Variants in DGKB observed in about 807,000 individuals in gnomAD.
The protein encoded by DGKB is diacylglycerol kinase beta.
Under a neutral mutation model 114.3 loss-of-function variants are expected in DGKB, and 67 were observed. The ratio of observed to expected loss-of-function variants is 0.59; its 90% confidence interval spans 0.48 to 0.72. DGKB has a LOEUF of 0.72. DGKB is among the 30% of genes least tolerant of loss of function. DGKB has a pLI of 0.00. For synonymous variants in DGKB, 398 were observed against 323.1 expected, an observed-to-expected ratio of 1.23 and a Z score of -2.49; for missense variants, 907 against 975.2, an observed-to-expected ratio of 0.93 and a Z score of 0.93.
At chr7:14,400,860 C>A (rs1322745676) in intron 21 of DGKB, among the ~76,000 whole-genome samples, 1 of 151,454 alleles carries the variant, frequency 6.6e-6, no homozygotes, top group African/African-American at 2.4e-5. Flanking sequence ...TTAGATATAC[C>A]CTTGAAAACA....
At chr7:14,577,547 G>A (rs1248495865) in intron 19 of DGKB, among the ~76,000 whole-genome samples, 2 of 152,124 alleles carry the variant, frequency 1.3e-5, no homozygotes, top group African/African-American at 2.4e-5. Flanking sequence ...AACCCGGGGG[G>A]CGGAGCCTGC....
chr7:14,330,437 AT>A (rs1809524536), intron 23 of DGKB, among the ~76,000 whole-genome samples: 2 of 151,962 alleles, frequency 1.3e-5, no homozygotes, highest in African/African-American at 4.8e-5. Context: ...TTGATGATCA[AT>A]GGTGATGATT....
At chr7:14,321,180 G>A (rs974587300) in intron 23 of DGKB, among the ~76,000 whole-genome samples, 3 of 152,048 alleles carry the variant, frequency 2.0e-5, no homozygotes, top group East Asian at 1.9e-4. Flanking sequence ...GGTCCCAGCC[G>A]CTTGGGAAGC....
At chr7:14,368,784 A>G (rs943309371) in intron 21 of DGKB, among the ~76,000 whole-genome samples, 6 of 152,108 alleles carry the variant, frequency 3.9e-5, no homozygotes, top group African/African-American at 7.2e-5. Flanking sequence ...TAGATACGCA[A>G]GATAATTTAT....
chr7:14,965,253 T>C (rs1787084510), intron 1 of DGKB, among the ~76,000 whole-genome samples: 1 of 152,146 alleles, frequency 6.6e-6, no homozygotes, highest in Non-Finnish European at 1.5e-5. Flanking sequence ...ATTTGGGAGA[T>C]GGTTGTGTAC....
chr7:14,317,266 T>C (rs1329583588), intron 23 of DGKB, among the ~76,000 whole-genome samples: 204 of 92,516 alleles, frequency 2.2e-3, no homozygotes, highest in African/African-American at 8.7e-3. Context: ...TTCAACATAG[T>C]GTTGGAAGTT....
chr7:14,167,801 G>A (rs1439245104), intron 25 of DGKB, among the ~76,000 whole-genome samples: 1 of 152,154 alleles, frequency 6.6e-6, no homozygotes, highest in East Asian at 1.9e-4. Context: ...ACCTAACAGA[G>A]TCAACTACCT....
At chr7:14,191,815 A>C (rs1291734221) in intron 23 of DGKB, 2 of 431,568 alleles carry the variant, frequency 4.6e-6, no homozygotes, top group Non-Finnish European at 9.4e-6. Context: ...TGCACCAAAC[A>C]GGCTAAATCA....
At chr7:14,163,343 CAAA>C (rs1197093698) in intron 25 of DGKB, among the ~76,000 whole-genome samples, 1 of 151,612 alleles carries the variant, frequency 6.6e-6, no homozygotes, top group Non-Finnish European at 1.5e-5. Flanking sequence ...TTGTCAATTA[CAAA>C]AAACAACAAT....
At chr7:14,228,978 G>C (rs1791281830) in intron 23 of DGKB, among the ~76,000 whole-genome samples, 1 of 151,284 alleles carries the variant, frequency 6.6e-6, no homozygotes, top group Non-Finnish European at 1.5e-5. Flanking sequence ...CAGTAAATTT[G>C]AACATATAAA....
At chr7:14,894,968 C>T (rs1562837710) in intron 1 of DGKB, among the ~76,000 whole-genome samples, 2 of 151,436 alleles carry the variant, frequency 1.3e-5, no homozygotes, top group Non-Finnish European at 3.0e-5. Flanking sequence ...CAATAGAGCA[C>T]CCCTCCTAGT....
At chr7:14,867,005 C>T (rs896902001) in intron 1 of DGKB, among the ~76,000 whole-genome samples, 4 of 152,094 alleles carry the variant, frequency 2.6e-5, no homozygotes, top group Admixed American at 6.5e-5. Context: ...TTTTCACATG[C>T]TTATTTAACA....
chr7:14,244,062 AG>A (rs1356136105), intron 23 of DGKB, among the ~76,000 whole-genome samples: 6 of 152,130 alleles, frequency 3.9e-5, no homozygotes, highest in Admixed American at 3.3e-4. Context: ...AGGGAGAGAG[AG>A]AGAGATCAAT....
At chr7:14,614,915 T>A (rs556555087) in intron 15 of DGKB, among the ~76,000 whole-genome samples, 6 of 152,058 alleles carry the variant, frequency 3.9e-5, no homozygotes, top group African/African-American at 1.2e-4. Flanking sequence ...CTGAACCAAA[T>A]GTGTGCAATC....
intron 23 of DGKB, among the ~76,000 whole-genome samples, chr7:14,307,819 T>A (rs1392471902): frequency 6.6e-6 from 1 of 152,168 alleles, no homozygotes; most frequent in African/African-American, 2.4e-5. Context: ...AAATCTCATA[T>A]AAGCTCTAGC....
intron 23 of DGKB, among the ~76,000 whole-genome samples, chr7:14,303,341 G>A (rs753476045): frequency 2.0e-5 from 3 of 152,040 alleles, no homozygotes; most frequent in Non-Finnish European, 4.4e-5. Context: ...ATTTCCCGCC[G>A]TAGTTAGTTT....
At chr7:14,322,882 A>T (rs866866643) in intron 23 of DGKB, among the ~76,000 whole-genome samples, 8 of 152,314 alleles carry the variant, frequency 5.3e-5, no homozygotes, top group Middle Eastern at 3.4e-3. Flanking sequence ...ATAAATTAGG[A>T]TGCCTAAATT....
chr7:14,313,493 A>C (rs1267581972), intron 23 of DGKB, among the ~76,000 whole-genome samples: 2 of 151,662 alleles, frequency 1.3e-5, no homozygotes, highest in East Asian at 1.9e-4. Context: ...TCCCTTTCCT[A>C]ATCAAAGAAA....
intron 10 of DGKB, among the ~76,000 whole-genome samples, chr7:14,684,313 T>C (rs1821316487): frequency 6.6e-6 from 1 of 152,104 alleles, no homozygotes; most frequent in Non-Finnish European, 1.5e-5. Flanking sequence ...ATGGATGGTA[T>C]TGGAAGCCAG....
Sources: gnomAD v4.1 joint callset for allele counts (sites outside exome capture counted in the v4.1 genomes callset) on GRCh38, gnomAD v4.1.1 for gene constraint, MANE v1.5 for transcripts, NCBI Gene and HGNC (gene_info 2026-07-23, HGNC 2026-07-21) for gene names.